The following SCAP variants were observed in gnomAD, a reference collection of about 807,000 sequenced individuals.
The protein encoded by SCAP is sterol regulatory element-binding protein cleavage-activating protein.
SCAP carries 65 observed loss-of-function variants against 123.6 expected under a neutral mutation model. The ratio of observed to expected loss-of-function variants is 0.53; its 90% CI spans 0.43 to 0.65. The LOEUF is 0.65. Among genes scored for constraint, SCAP ranks in the 30% least tolerant of loss-of-function variants. The pLI is 0.00. For missense variants in SCAP, 1,398 were observed against 1,712.5 expected (o/e 0.82, Z 3.24); for synonymous variants, 740 against 726.3 (o/e 1.02, Z -0.30).
At chr3:47,452,283 G>T (rs1193235590) in intron 1 of SCAP, among the ~76,000 whole-genome samples, 1 of 152,148 alleles carries the variant, frequency 6.6e-6, no homozygotes, top group African/African-American at 2.4e-5. Flanking sequence ...CGGCTACTCA[G>T]GAGACTGAGG....
intron 18 of SCAP, among the ~76,000 whole-genome samples, chr3:47,416,615 C>T (rs971298785): frequency 1.4e-5 from 1 of 70,186 alleles, no homozygotes; most frequent in Admixed American, 1.9e-4. Context: ...ACCCCTAACG[C>T]TTTTTTTTTT....
chr3:47,438,306 T>A (rs1706663058), intron 2 of SCAP, among the ~76,000 whole-genome samples: 1 of 152,186 alleles, frequency 6.6e-6, no homozygotes, highest in African/African-American at 2.4e-5. Flanking sequence ...GGCTTTTCCA[T>A]CTTTACCTAC....
intron 1 of SCAP, among the ~76,000 whole-genome samples, chr3:47,473,793 T>C (rs1708160265): frequency 6.6e-6 from 1 of 152,176 alleles, no homozygotes; most frequent in South Asian, 2.1e-4. Flanking sequence ...CCTTTTTTAG[T>C]TTATTTAATT....
At chr3:47,453,834 A>T (rs1339206684) in intron 1 of SCAP, among the ~76,000 whole-genome samples, 1 of 152,022 alleles carries the variant, frequency 6.6e-6, no homozygotes, top group Non-Finnish European at 1.5e-5. Context: ...TCTTTACTGA[A>T]TGCCCTTTTC....
In SCAP at chr3:47,435,043, G is replaced by A. The variant is rs147885193; in HGVS notation, c.217C>T (p.Arg73Cys). The change falls in exon 3 of 23, where the codon CGC becomes TGC. Residue 73 changes from arginine to cysteine, a missense_variant. This residue lies in a region of SCAP where 319 missense variants were observed against 432.4 expected (regional missense o/e 0.74). Coordinates refer to ENST00000265565, the MANE Select transcript of SCAP (RefSeq NM_012235.4). ...TGCTCAGTAGGCTCTCCTTGTTTGC[G>A]GTCAGAGTCCACAGGTGGGGGCGAG... ...DYSPPPVDSD[R>C]KQGEPTEQPE... 1.2e-5 allele frequency: 19 copies of A among 1,613,988 alleles called. No homozygotes were observed. Among genetic ancestry groups the A allele is most frequent in the South Asian group, 3.3e-5 (3 of 91,088 alleles).
Position 47,426,063 on chromosome 3 carries a change from C to T in SCAP, c.844G>A (p.Val282Ile), listed in dbSNP as rs923259248. ...GTCACAAGGGGGATGAGCTCAGCGA[C>T]ACCAATCTCCTCCTTGAAGTGCACG... ...VHVHFKEEIG[V>I]AELIPLVTTY... Residue 282 changes from valine (V) to isoleucine (I), a missense_variant, in exon 7 of 23, where the codon GTC becomes ATC. Physicochemically the swap from Val to Ile is conservative, Grantham distance 29. Coordinates refer to ENST00000265565, the MANE Select transcript of SCAP (RefSeq NM_012235.4). 1.4e-5 allele frequency: 22 copies of T among 1,614,052 alleles called. No individual in the cohort carries two copies. The highest frequency in any genetic ancestry group is 1.8e-5 in the Non-Finnish European group (21 of 1,180,016).
chr3:47,427,310 C>A, intron 5 of SCAP, 48 bp from the exon 6 acceptor site: 5 of 1,559,286 alleles, frequency 3.2e-6, no homozygotes, highest in Non-Finnish European at 3.5e-6. Context: ...ACAGCTACTG[C>A]AGAGCCACCA....
At chr3:47,476,979 G>A, upstream of SCAP, 1 of 153,312 alleles carries the variant, frequency 6.5e-6, no homozygotes, top group Non-Finnish European at 1.5e-5. Context: ...AAAGGCACCA[G>A]CAAACTTCTC....
At chr3:47,465,430 A>G (rs985757748) in intron 1 of SCAP, among the ~76,000 whole-genome samples, 1 of 152,148 alleles carries the variant, frequency 6.6e-6, no homozygotes, top group Non-Finnish European at 1.5e-5. Flanking sequence ...AAAGCTATCT[A>G]CAAACGCAAT....
intron 1 of SCAP, among the ~76,000 whole-genome samples, chr3:47,460,835 C>T (rs1357428097): frequency 2.0e-5 from 3 of 152,248 alleles, no homozygotes; most frequent in South Asian, 2.1e-4. Flanking sequence ...GGATTACAGG[C>T]GTGAGCCACT....
At chr3:47,443,844 G>A in intron 1 of SCAP, among the ~76,000 whole-genome samples, 1 of 152,158 alleles carries the variant, frequency 6.6e-6, no homozygotes, top group East Asian at 1.9e-4. Context: ...TATGAGTCAA[G>A]GTGCCCCGTG....
chr3:47,440,161 A>G (rs1194976545), intron 2 of SCAP, among the ~76,000 whole-genome samples: 1 of 152,224 alleles, frequency 6.6e-6, no homozygotes, highest in Non-Finnish European at 1.5e-5. Flanking sequence ...TTGGCTGTAC[A>G]AGTCTTTCAT....
chr3:47,454,176 G>GC (rs1707324799), intron 1 of SCAP, among the ~76,000 whole-genome samples: 1 of 151,888 alleles, frequency 6.6e-6, no homozygotes. Flanking sequence ...GACCATCCTG[G>GC]CTAACACAGT....
chr3:47,428,875 A>C, intron 3 of SCAP: 1 of 529,798 alleles, frequency 1.9e-6, no homozygotes, highest in South Asian at 2.6e-5. Context: ...TCCGCTTATG[A>C]GATAAAAGAA....
chr3:47,433,745 G>A (rs995498517), intron 3 of SCAP, among the ~76,000 whole-genome samples: 15 of 152,136 alleles, frequency 9.9e-5, no homozygotes, highest in Non-Finnish European at 2.2e-4. Flanking sequence ...CAACATGCCT[G>A]TAGTCCCAGG....
chr3:47,469,993 A>G (rs960026226), intron 1 of SCAP: 8 of 331,608 alleles, frequency 2.4e-5, no homozygotes, highest in African/African-American at 1.8e-4. Context: ...TAAAATAACC[A>G]AGGCATTCGA....
intron 1 of SCAP, among the ~76,000 whole-genome samples, chr3:47,445,682 G>A (rs1010518782): frequency 6.6e-6 from 1 of 151,164 alleles, no homozygotes; most frequent in Admixed American, 6.6e-5. Flanking sequence ...CAAACAATTC[G>A]TGCCTCAGCC....
At position 47,426,186 on chromosome 3, in the gene SCAP, G is replaced by A. The variant is rs747923303; in HGVS notation, c.738-17C>T. On this transcript the variant is annotated splice_polypyrimidine_tract_variant and intron_variant, in intron 6 of 22. Transcript: ENST00000265565. ...CCCAGGAACCTGGTCAAGGAGCAGG[G>A]TGGGGGTAAATGGAAGTGTTGCTCT... is the stretch of plus-strand genomic sequence containing the variant. 8.7e-6 allele frequency: 14 copies of A among 1,609,060 alleles called. No homozygotes were observed. The highest frequency in any genetic ancestry group is 8.5e-7 in the Non-Finnish European group (1 of 1,178,646).
At chr3:47,444,549 A>G (rs1010761961) in intron 1 of SCAP, among the ~76,000 whole-genome samples, 1 of 152,114 alleles carries the variant, frequency 6.6e-6, no homozygotes, top group Non-Finnish European at 1.5e-5. Flanking sequence ...CTCTTGGCTC[A>G]CTGCAACCTC....
Sources: gnomAD v4.1 joint callset for allele counts (sites outside exome capture counted in the v4.1 genomes callset) on GRCh38, gnomAD v4.1.1 for gene constraint, gnomAD v4.1.1 regional missense constraint, MANE v1.5 for transcripts, NCBI Gene and HGNC (gene_info 2026-07-23, HGNC 2026-07-21) for gene names.